ACTR1A: variants seen among roughly 807,000 people sequenced by gnomAD.
The protein encoded by ACTR1A is alpha-centractin.
In ACTR1A, 10 loss-of-function variants were observed where a neutral mutation model predicts 50.7. The observed-to-expected ratio is 0.20, with a 90% CI of 0.12 to 0.33. ACTR1A has a LOEUF of 0.33. Among genes scored for constraint, ACTR1A ranks in the 10% least tolerant of loss-of-function variants. ACTR1A has a pLI of 1.00. For synonymous variants in ACTR1A, 177 were observed against 184.2 expected, an observed-to-expected ratio of 0.96 and a Z score of 0.32; for missense variants, 253 against 491.7, an observed-to-expected ratio of 0.51 and a Z score of 4.59.
chr10:102,495,992 C>T (rs1036385200), intron 1 of ACTR1A, among the ~76,000 whole-genome samples: 3 of 151,906 alleles, frequency 2.0e-5, no homozygotes, highest in Admixed American at 6.6e-5. Context: ...GTTGCCCAGG[C>T]TGGAGTCCAG....
chr10:102,502,222 T>A (rs2062259192), intron 1 of ACTR1A, among the ~76,000 whole-genome samples: 1 of 152,100 alleles, frequency 6.6e-6, no homozygotes, highest in Non-Finnish European at 1.5e-5. Context: ...CCTAGCCTCA[T>A]CCGGCAAGGC....
In ACTR1A at chr10:102,484,142, C is replaced by A. The variant is rs2062155799; in HGVS notation, c.657+18G>T. The stretch of plus-strand genomic sequence containing the variant: ...CCCAACCCCCACTCCATCCCTAGGC[C>A]CAGGGGGCAGCACTTACTTCTTTTA... On this transcript the variant is annotated intron_variant, in intron 6 of 10. Coordinates refer to ENST00000369905, the MANE Select transcript of ACTR1A (RefSeq NM_005736.4). 3 of 1,613,058 alleles carry A rather than the reference C, an allele frequency of 1.9e-6. No homozygotes were observed. Among genetic ancestry groups the A allele is most frequent in the Non-Finnish European group, 2.5e-6 (3 of 1,179,266 alleles).
At chr10:102,498,170 A>G (rs185514104) in intron 1 of ACTR1A, among the ~76,000 whole-genome samples, 14 of 152,264 alleles carry the variant, frequency 9.2e-5, no homozygotes, top group African/African-American at 3.4e-4. Context: ...TCCTTAAAAC[A>G]TGAAGGTGGA....
chr10:102,499,823 A>G (rs1220497507), intron 1 of ACTR1A, among the ~76,000 whole-genome samples: 2 of 152,238 alleles, frequency 1.3e-5, no homozygotes, highest in Non-Finnish European at 2.9e-5. Flanking sequence ...AGTCCTACTC[A>G]ATTATCTGCA....
In ACTR1A at chr10:102,481,777, G is replaced by A. The variant is rs2062143734; in HGVS notation, c.987+60C>T. On this transcript the variant is annotated intron_variant, in intron 9 of 10. Transcript: ENST00000369905. ...GCAAAGCTAGAGGGAAGCTACGCCAGGTGGCACTCTGTCCATGGAAGCCTA... is the reference window on the plus strand; with the variant it reads ...GCAAAGCTAGAGGGAAGCTACGCCAAGTGGCACTCTGTCCATGGAAGCCTA... 9.4e-6 allele frequency: 15 copies of A among 1,588,960 alleles called. 1 individual carries two copies. In the South Asian group the frequency reaches 1.7e-4, roughly 18 times the overall value.
chr10:102,490,473 C>T, intron 2 of ACTR1A, 76 bp downstream of exon 2: 1 of 1,239,232 alleles, frequency 8.1e-7, no homozygotes. Flanking sequence ...CCAAACTCGG[C>T]TCCTGTCCCT....
At chr10:102,486,817 ACT>A (rs1327134362) in intron 4 of ACTR1A, among the ~76,000 whole-genome samples, 9 of 147,740 alleles carry the variant, frequency 6.1e-5, no homozygotes, top group Non-Finnish European at 8.9e-5. Flanking sequence ...ACAAGGTCTC[ACT>A]CTGTCACCAG....
At chr10:102,495,341 G>A (rs7898716) in intron 1 of ACTR1A, among the ~76,000 whole-genome samples, 46,617 of 151,586 alleles carry the variant, frequency 0.31, 7,406 homozygotes, top group Admixed American at 0.36. Flanking sequence ...AGGCCAAGGC[G>A]GGCAGATCAC....
chr10:102,484,100 G>C (rs949523102), intron 6 of ACTR1A, 60 bp downstream of exon 6: 6 of 1,555,254 alleles, frequency 3.9e-6, no homozygotes, highest in Non-Finnish European at 5.3e-6. Context: ...GGTCACCAAG[G>C]TCCTGGGTGC....
intron 1 of ACTR1A, among the ~76,000 whole-genome samples, chr10:102,499,028 T>C (rs2062235161): frequency 6.6e-6 from 1 of 152,210 alleles, no homozygotes; most frequent in Non-Finnish European, 1.5e-5. Context: ...TAAATTCTGA[T>C]GAAATGACTT....
Position 102,479,567 on chromosome 10 carries a change from A to G in ACTR1A, c.*1296T>C. The G allele has an allele frequency of 1.6e-6, 2 of 1,269,306 alleles. No homozygotes were observed. Among genetic ancestry groups the G allele is most frequent in the Non-Finnish European group, 2.1e-6 (2 of 971,376 alleles). The allele number at this position is 1,269,306 out of a possible 1,614,324, so 78.6% of individuals were successfully genotyped here. On this transcript the variant is annotated 3_prime_UTR_variant, in exon 11 of 11. Coordinates refer to ENST00000369905, the MANE Select transcript of ACTR1A (RefSeq NM_005736.4). This position sits in a 1 kb window ranked among gnomAD's most constrained non-coding sequence, Gnocchi z 4.0. ...TGAAGGCCTTTGGACCACTCCTAGGAGTCAGGCCTGGCTCCATTAGCTCCT... is the reference window on the plus strand; with the variant it reads ...TGAAGGCCTTTGGACCACTCCTAGGGGTCAGGCCTGGCTCCATTAGCTCCT...
rs950273515 is a variant in ACTR1A at position 102,479,303 on chromosome 10, C to T, written c.*1560G>A. Reference sequence around the variant, plus strand: ...GCAATGTGGTTTGTGCGAGGCTGTGCGAGGGACAGGCTTGGGCTAAGAGAA... The same window carrying T: ...GCAATGTGGTTTGTGCGAGGCTGTGTGAGGGACAGGCTTGGGCTAAGAGAA... On this transcript the variant is annotated 3_prime_UTR_variant, in exon 11 of 11. Coordinates refer to ENST00000369905, the MANE Select transcript of ACTR1A (RefSeq NM_005736.4). The surrounding 1 kb of genome is among the most constrained non-coding windows in gnomAD (Gnocchi z 4.0). 3.9e-5 allele frequency: 17 copies of T among 431,196 alleles called. No individual in the cohort carries two copies. Among genetic ancestry groups the T allele is most frequent in the African/African-American group, 2.5e-4 (12 of 48,784 alleles). The allele number at this position is 431,196 out of a possible 1,614,324, so 26.7% of individuals were successfully genotyped here.
At chr10:102,483,768 C>T (rs2062154166) in intron 6 of ACTR1A, 1 of 189,562 alleles carries the variant, frequency 5.3e-6, no homozygotes, top group South Asian at 1.0e-4. Context: ...TTGCTTGAAC[C>T]CGGGAGGCAG....
Position 102,482,868 on chromosome 10 carries a change from C to T in ACTR1A, c.750+143G>A, listed in dbSNP as rs1475689375. 12 of 683,806 alleles carry T rather than the reference C, an allele frequency of 1.8e-5. No homozygotes were observed. Among genetic ancestry groups the T allele is most frequent in the African/African-American group, 5.3e-5 (3 of 56,202 alleles). The allele number at this position is 683,806 out of a possible 1,614,324, so 42.4% of individuals were successfully genotyped here. A position where few individuals can be genotyped will look rare whatever the true frequency, so the allele number is the denominator to read the frequency against. On this transcript the variant is annotated intron_variant, in intron 7 of 10. Transcript: ENST00000369905. The surrounding 1 kb of genome is among the most constrained non-coding windows in gnomAD (Gnocchi z 5.6). ...CCTTACTGAAAGCCATCCTGGGCCA[C>T]GTGCAGCCCATGGGCCAGGGGTTGG...
Position 102,488,003 on chromosome 10 carries a change from G to C in ACTR1A, c.315+147C>G. On this transcript the variant is annotated intron_variant, in intron 4 of 10. Transcript: ENST00000369905. The surrounding 1 kb of genome is among the most constrained non-coding windows in gnomAD (Gnocchi z 4.4). ...ATACTACCTATATCTCATAGGAATG[G>C]TGTTAAGATTAAATCTGAATATGCC... 1 of 843,390 alleles carries C rather than the reference G, an allele frequency of 1.2e-6. No homozygotes were observed. Among genetic ancestry groups the C allele is most frequent in the Non-Finnish European group, 1.8e-6 (1 of 556,342 alleles). 52.2% of individuals were successfully genotyped at this position (843,390 alleles called of 1,614,324 possible). A position where few individuals can be genotyped will look rare whatever the true frequency, so the allele number is the denominator to read the frequency against.
At chr10:102,481,976 A>C (rs1307750644) in intron 8 of ACTR1A, 25 bp downstream of exon 8, 1 of 1,613,942 alleles carries the variant, frequency 6.2e-7, no homozygotes. Flanking sequence ...CTTCCAGGGG[A>C]AGGGCTCCAA....
intron 1 of ACTR1A, among the ~76,000 whole-genome samples, chr10:102,494,450 C>T (rs1050084573): frequency 3.3e-5 from 5 of 151,954 alleles, no homozygotes; most frequent in African/African-American, 7.3e-5. Context: ...CTGCACATGG[C>T]GAAACCCCGT....
Position 102,481,872 on chromosome 10 carries a change from C to T in ACTR1A, c.952G>A (p.Val318Met). ...ACATCTTTTGGAGCTAGTTTCTTCA[C>T]TTCACTCAGGAGCCTGTCACCAAAA... ...KGFGDRLLSE[V>M]KKLAPKDVKI... The change falls in exon 9 of 11, where the codon GTG (valine) becomes ATG (methionine). Residue 318 changes from valine (V) to methionine (M), a missense_variant. By Grantham distance (21) the Val-to-Met change is conservative. Coordinates refer to ENST00000369905, the MANE Select transcript of ACTR1A (RefSeq NM_005736.4). 6.2e-7 allele frequency: 1 copy of T among 1,612,604 alleles called. No individual in the cohort carries two copies. The highest frequency in any genetic ancestry group is 8.5e-7 in the Non-Finnish European group (1 of 1,180,034).
chr10:102,492,217 C>T (rs1045267883), intron 1 of ACTR1A, among the ~76,000 whole-genome samples: 6 of 151,552 alleles, frequency 4.0e-5, no homozygotes, highest in Non-Finnish European at 8.8e-5. Flanking sequence ...ATTACAGGCG[C>T]GCACCACCAT....
Sources: gnomAD v4.1 joint callset for allele counts (sites outside exome capture counted in the v4.1 genomes callset) on GRCh38, gnomAD v4.1.1 for gene constraint, Gnocchi (gnomAD v3.1) non-coding constraint, MANE v1.5 for transcripts, NCBI Gene and HGNC (gene_info 2026-07-23, HGNC 2026-07-21) for gene names.